The following DDC variants were observed in gnomAD, a reference collection of about 807,000 sequenced individuals.
DDC encodes dopa decarboxylase, also known as aromatic-L-amino-acid decarboxylase.
A neutral mutation model predicts 60.0 loss-of-function variants in DDC; 43 were observed. The observed-to-expected ratio is 0.72, with a 90% confidence interval of 0.56 to 0.92. The LOEUF is 0.92. Among genes scored for constraint, DDC ranks in the 40% least tolerant of loss-of-function variants. The probability of loss-of-function intolerance (pLI) is 0.00; values close to 1 mark genes in which losing one functional copy is unlikely to be tolerated. For synonymous variants in DDC, 232 were observed against 234.6 expected (o/e 0.99, Z 0.10); for missense variants, 573 against 620.2 (o/e 0.92, Z 0.81).
intron 6 of DDC, among the ~76,000 whole-genome samples, chr7:50,504,696 G>A (rs114518446): frequency 6.6e-6 from 1 of 151,712 alleles, no homozygotes; most frequent in African/African-American, 2.4e-5. Context: ...AGTTTGGGGG[G>A]GTGTGTGTGT....
At chr7:50,464,577 G>C (rs1442951562) in intron 13 of DDC, among the ~76,000 whole-genome samples, 1 of 152,220 alleles carries the variant, frequency 6.6e-6, no homozygotes, top group Non-Finnish European at 1.5e-5. Context: ...ACAGAAAATG[G>C]AAGCAAATTA....
intron 11 of DDC, among the ~76,000 whole-genome samples, chr7:50,474,481 G>A (rs540936128): frequency 6.6e-6 from 1 of 152,314 alleles, no homozygotes; most frequent in African/African-American, 2.4e-5. Context: ...AGAACAGGCT[G>A]GGGAAGCCTC....
chr7:50,525,826 A>C (rs1055760881), intron 6 of DDC, among the ~76,000 whole-genome samples: 1 of 152,094 alleles, frequency 6.6e-6, no homozygotes, highest in Non-Finnish European at 1.5e-5. Flanking sequence ...TGAGCATGAC[A>C]TATTTATCAG....
intron 9 of DDC, among the ~76,000 whole-genome samples, chr7:50,482,903 T>G (rs903724185): frequency 1.1e-4 from 16 of 152,238 alleles, no homozygotes; most frequent in Non-Finnish European, 2.1e-4. Context: ...GGTTCTTTTA[T>G]TAATAATACT....
chr7:50,498,656 C>T (rs1450434536), intron 8 of DDC, among the ~76,000 whole-genome samples: 3 of 152,222 alleles, frequency 2.0e-5, no homozygotes, highest in Admixed American at 6.5e-5. Context: ...TTTCACTTAG[C>T]ATTAAAGATC....
At chr7:50,510,381 T>C (rs965462359) in intron 6 of DDC, among the ~76,000 whole-genome samples, 4 of 152,118 alleles carry the variant, frequency 2.6e-5, no homozygotes, top group African/African-American at 4.8e-5. Context: ...AGAAAGAATG[T>C]AAGTAGGCCG....
intron 1 of DDC, among the ~76,000 whole-genome samples, chr7:50,553,487 T>C (rs2045079704): frequency 7.6e-6 from 1 of 131,928 alleles, no homozygotes; most frequent in East Asian, 2.1e-4. Flanking sequence ...TTCTTTTCTT[T>C]TTTTTTTTTT....
chr7:50,464,513 G>A (rs1562978512), intron 13 of DDC, among the ~76,000 whole-genome samples: 1 of 152,186 alleles, frequency 6.6e-6, no homozygotes, highest in Non-Finnish European at 1.5e-5. Flanking sequence ...CCAAGGGAAT[G>A]GAATTTTACC....
At chr7:50,507,155 A>G (rs982730495) in intron 6 of DDC, among the ~76,000 whole-genome samples, 1 of 152,218 alleles carries the variant, frequency 6.6e-6, no homozygotes, top group Non-Finnish European at 1.5e-5. Flanking sequence ...TCCCAGAGTC[A>G]TATCTTAGAA....
rs774547345 is a variant in DDC at position 50,529,268 on chromosome 7, C to T, written c.510G>A (p.Ala170=). 5.6e-6 allele frequency: 9 copies of T among 1,613,860 alleles called. No individual in the cohort carries two copies. The highest frequency in any genetic ancestry group is 2.2e-5 in the South Asian group (2 of 91,088). The change falls in exon 5 of 15, where the codon GCG becomes GCA. Residue 170 remains alanine, a synonymous_variant. Transcript: ENST00000444124. ...TAGCGGCCTGTGTGAGCTCTGGGGACGCTGCCTGCAGCCGATGGATCACTT... is the reference window on the plus strand; with the variant it reads ...TAGCGGCCTGTGTGAGCTCTGGGGATGCTGCCTGCAGCCGATGGATCACTT... ...RTKVIHRLQA[A]SPELTQAAIM...
At chr7:50,480,716 G>A (rs1455269851) in intron 9 of DDC, among the ~76,000 whole-genome samples, 2 of 152,234 alleles carry the variant, frequency 1.3e-5, no homozygotes, top group African/African-American at 4.8e-5. Context: ...ACAGAGGTTA[G>A]CATTTGCTCC....
chr7:50,530,905 C>T (rs1302302679), intron 4 of DDC, among the ~76,000 whole-genome samples: 1 of 152,190 alleles, frequency 6.6e-6, no homozygotes, highest in Non-Finnish European at 1.5e-5. Flanking sequence ...ATGCTCTCTT[C>T]ATTGACCCTG....
chr7:50,497,376 G>C (rs1400200944), intron 8 of DDC, among the ~76,000 whole-genome samples: 1 of 152,224 alleles, frequency 6.6e-6, no homozygotes, highest in African/African-American at 2.4e-5. Flanking sequence ...CAAGTTGTCA[G>C]TTCTTGGGGA....
At chr7:50,493,151 C>T in intron 9 of DDC, 1 of 705,602 alleles carries the variant, frequency 1.4e-6, no homozygotes, top group South Asian at 1.7e-5. Flanking sequence ...CTGTGTCCCT[C>T]AACACAGGGC....
At chr7:50,554,091 G>A (rs2045102268) in intron 1 of DDC, among the ~76,000 whole-genome samples, 1 of 152,182 alleles carries the variant, frequency 6.6e-6, no homozygotes. Flanking sequence ...ACCACCAAGT[G>A]TCAGGCAGAC....
chr7:50,508,557 T>C (rs1038943269), intron 6 of DDC, among the ~76,000 whole-genome samples: 1 of 152,184 alleles, frequency 6.6e-6, no homozygotes, highest in Admixed American at 6.5e-5. Context: ...AAGGGGAAAC[T>C]TTATTACAAG....
intron 6 of DDC, among the ~76,000 whole-genome samples, chr7:50,519,542 C>G (rs2043831200): frequency 6.6e-6 from 1 of 152,150 alleles, no homozygotes; most frequent in Admixed American, 6.5e-5. Context: ...TATATACATA[C>G]AATGGAATAC....
intron 12 of DDC, among the ~76,000 whole-genome samples, chr7:50,468,096 C>T (rs1400863566): frequency 6.6e-6 from 1 of 152,270 alleles, no homozygotes; most frequent in East Asian, 1.9e-4. Flanking sequence ...CAGCAGGGCC[C>T]CCATGTTGCA....
chr7:50,466,629 G>C (rs11575527), intron 13 of DDC, among the ~76,000 whole-genome samples: 8,016 of 151,946 alleles, frequency 0.053, 490 homozygotes, highest in African/African-American at 0.15. Context: ...ACTGTATCAT[G>C]ATTCTCAGTA....
Sources: allele counts gnomAD v4.1 joint callset (sites outside exome capture counted in the v4.1 genomes callset), GRCh38; gene constraint gnomAD v4.1.1; transcripts MANE v1.5; gene names NCBI Gene and HGNC (gene_info 2026-07-23, HGNC 2026-07-21).